SLC35D4: variants seen among roughly 807,000 people sequenced by gnomAD.
SLC35D4 encodes solute carrier family 35 member D4, also known as UDP-N-acetylglucosamine transporter SLC35D4.
At chr18:23,365,462 A>G in the SLC35D4 span, among the ~76,000 whole-genome samples, 1 of 152,210 alleles carries the variant, frequency 6.6e-6, no homozygotes, top group Non-Finnish European at 1.5e-5. Context: ...AAATTCCTGG[A>G]TGATAAATTG....
the SLC35D4 span, among the ~76,000 whole-genome samples, chr18:23,327,220 G>C: frequency 0.013 from 2,008 of 152,192 alleles, 39 homozygotes; most frequent in African/African-American, 0.046. Context: ...GAAGGAGATA[G>C]AGACACAAAA....
At chr18:23,332,453 G>A in the SLC35D4 span, among the ~76,000 whole-genome samples, 7 of 152,134 alleles carry the variant, frequency 4.6e-5, no homozygotes, top group East Asian at 1.2e-3. Flanking sequence ...TACTTCTAAA[G>A]CATAAATATC....
the SLC35D4 span, among the ~76,000 whole-genome samples, chr18:23,418,850 T>C: frequency 5.9e-4 from 89 of 151,444 alleles, no homozygotes; most frequent in South Asian, 2.3e-3. Context: ...TACTAAAAAA[T>C]ACAAAAAATT....
At chr18:23,287,332 TTCA>T in the SLC35D4 span, among the ~76,000 whole-genome samples, 4 of 151,810 alleles carry the variant, frequency 2.6e-5, no homozygotes, top group Admixed American at 2.6e-4. Flanking sequence ...CTTTGCACCC[TTCA>T]TCCCAGCCTC....
At chr18:23,306,560 C>G in the SLC35D4 span, among the ~76,000 whole-genome samples, 18 of 152,236 alleles carry the variant, frequency 1.2e-4, no homozygotes, top group African/African-American at 4.1e-4. Context: ...CCCGCCTCGG[C>G]CTCCCAAAGT....
chr18:23,364,928 AAAAAAG>A, the SLC35D4 span, among the ~76,000 whole-genome samples: 16 of 3,066 alleles, frequency 5.2e-3, 2 homozygotes, highest in East Asian at 0.021. Flanking sequence ...AAAAAAAAAA[AAAAAAG>A]GACTCCTTTC....
chr18:23,319,096 G>C, the SLC35D4 span, among the ~76,000 whole-genome samples: 195 of 151,938 alleles, frequency 1.3e-3, no homozygotes, highest in African/African-American at 4.4e-3. Context: ...CACCCACCTC[G>C]GCCTCCCAGA....
chr18:23,352,114 AC>A, the SLC35D4 span: 1 of 1,285,662 alleles, frequency 7.8e-7, no homozygotes, highest in South Asian at 1.4e-5. Context: ...TGAAGCTCAA[AC>A]AACTTCACAT....
chr18:23,377,624 G>C, the SLC35D4 span: 1 of 1,570,508 alleles, frequency 6.4e-7, no homozygotes, highest in Non-Finnish European at 8.6e-7. Flanking sequence ...ATGGCTTTTT[G>C]GGGGGAGGGC....
chr18:23,253,626 T>C, the SLC35D4 span: 4 of 972,540 alleles, frequency 4.1e-6, no homozygotes, highest in Admixed American at 9.0e-5. Context: ...GATCACCCTC[T>C]GGGAAAGAGA....
At chr18:23,330,558 AT>A in the SLC35D4 span, among the ~76,000 whole-genome samples, 2 of 152,130 alleles carry the variant, frequency 1.3e-5, no homozygotes, top group Non-Finnish European at 2.9e-5. Flanking sequence ...AAACCACGCC[AT>A]TTGCATTTCC....
chr18:23,320,333 T>A, the SLC35D4 span, among the ~76,000 whole-genome samples: 1 of 152,220 alleles, frequency 6.6e-6, no homozygotes, highest in Non-Finnish European at 1.5e-5. Flanking sequence ...ATTTTTCAGT[T>A]CTGTAATAGC....
At chr18:23,394,527 G>A in the SLC35D4 span, among the ~76,000 whole-genome samples, 2 of 152,076 alleles carry the variant, frequency 1.3e-5, no homozygotes, top group South Asian at 4.1e-4. Flanking sequence ...TTTGTTGATA[G>A]TATCCTTTAA....
the SLC35D4 span, among the ~76,000 whole-genome samples, chr18:23,393,552 G>T: frequency 1.3e-5 from 2 of 152,116 alleles, no homozygotes; most frequent in African/African-American, 4.8e-5. Flanking sequence ...TGTTCTCAAG[G>T]TTCATCCATG....
the SLC35D4 span, among the ~76,000 whole-genome samples, chr18:23,379,511 T>C: frequency 2.6e-5 from 4 of 152,316 alleles, no homozygotes; most frequent in South Asian, 2.1e-4. Flanking sequence ...AGGGATGCTC[T>C]TCCACTTCTG....
chr18:23,370,221 T>G, the SLC35D4 span: 1 of 1,603,326 alleles, frequency 6.2e-7, no homozygotes, highest in Non-Finnish European at 8.5e-7. Context: ...TTTACCTTAA[T>G]GCACTGGGTT....
At chr18:23,327,658 C>T in the SLC35D4 span, among the ~76,000 whole-genome samples, 6 of 152,012 alleles carry the variant, frequency 3.9e-5, no homozygotes, top group Admixed American at 6.5e-5. Context: ...TGAAACTATT[C>T]CAATCAATAG....
chr18:23,241,338 C>T, the SLC35D4 span, among the ~76,000 whole-genome samples: 11 of 151,982 alleles, frequency 7.2e-5, no homozygotes, highest in Non-Finnish European at 1.5e-4. Flanking sequence ...TAAGACCAGC[C>T]TGGCTAACGT....
the SLC35D4 span, chr18:23,259,984 TC>T: frequency 0.42 from 63,213 of 151,706 alleles, 13,712 homozygotes; most frequent in East Asian, 0.67. Flanking sequence ...TGATTCCTTT[TC>T]CCCCGGAGCC....
Sources: allele counts gnomAD v4.1 joint callset (sites outside exome capture counted in the v4.1 genomes callset), GRCh38; gene constraint gnomAD v4.1.1; transcripts MANE v1.5; gene names NCBI Gene and HGNC (gene_info 2026-07-23, HGNC 2026-07-21).